Variants in KAT5 observed in about 807,000 individuals in gnomAD.
The protein encoded by KAT5 is lysine acetyltransferase 5, also known as histone acetyltransferase KAT5.
A neutral mutation model predicts 68.1 loss-of-function variants in KAT5; 31 were observed. The observed-to-expected ratio is 0.46, with a 90% CI of 0.34 to 0.61. KAT5 has a LOEUF of 0.61. Among genes scored for constraint, KAT5 ranks in the 20% least tolerant of loss-of-function variants. KAT5 has a pLI of 0.01. For missense variants in KAT5, 451 were observed against 725.5 expected, an observed-to-expected ratio of 0.62 and a Z score of 4.35; for synonymous variants, 365 against 292.6, an observed-to-expected ratio of 1.25 and a Z score of -2.52.
Position 65,714,250 on chromosome 11 carries a change from G to A in KAT5, c.691-245G>A, listed in dbSNP as rs370242148. On this transcript the variant is annotated intron_variant, in intron 6 of 12. Coordinates refer to ENST00000341318, the MANE Select transcript of KAT5 (RefSeq NM_182710.3). ...GTGGAGATTGCAGTGAGCCAAGATC[G>A]CGCTACTGCCCTCCAGCCTGGGCGA... 17 of 565,266 alleles carry A rather than the reference G, an allele frequency of 3.0e-5. No homozygotes were observed. In the East Asian group the frequency reaches 3.7e-4, roughly 12 times the overall value. 35.0% of individuals were successfully genotyped at this position (565,266 alleles called of 1,614,324 possible). A position where few individuals can be genotyped will look rare whatever the true frequency, so the allele number is the denominator to read the frequency against.
chr11:65,717,540 C>T (rs1031297673), intron 10 of KAT5: 1 of 162,908 alleles, frequency 6.1e-6, no homozygotes, highest in African/African-American at 2.4e-5. Flanking sequence ...TCTTCCCAGC[C>T]TCTTACTCCC....
chr11:65,718,529 T>C, intron 10 of KAT5, 61 bp from the exon 11 acceptor site: 4 of 1,556,802 alleles, frequency 2.6e-6, no homozygotes, highest in Non-Finnish European at 8.8e-7. Context: ...CCTGTGTTTT[T>C]AAATGTTGCT....
chr11:65,719,013 C>T, intron 12 of KAT5, 34 bp from the exon 13 acceptor site: 2 of 1,613,966 alleles, frequency 1.2e-6, no homozygotes, highest in Non-Finnish European at 1.7e-6. Flanking sequence ...CCTCTGTGGG[C>T]TGACCACCTG....
At chr11:65,717,333 G>A (rs999353214) in intron 10 of KAT5, 1 of 378,308 alleles carries the variant, frequency 2.6e-6, no homozygotes, top group Non-Finnish European at 4.9e-6. Flanking sequence ...GAGTACTGGG[G>A]CAAGGACCAG....
Position 65,718,935 on chromosome 11 carries a change from A to G in KAT5, c.1487A>G (p.Asn496Ser), listed in dbSNP as rs200625753. 36 of 1,614,066 alleles carry G rather than the reference A, an allele frequency of 2.2e-5. No homozygotes were observed. Among genetic ancestry groups the G allele is most frequent in the African/African-American group, 1.1e-4 (8 of 74,930 alleles). Reference protein sequence around the residue: ...EDVISTLQYLNLINYYKGQYI... With the variant: ...EDVISTLQYLSLINYYKGQYI... ...GTCATCTCCACTCTGCAGTACCTCA[A>G]TCTCATCAACTACTACAAGGTAGGG... The change falls in exon 12 of 13, where the codon AAT becomes AGT. Residue 496 changes from asparagine to serine, a missense_variant. Physicochemically the swap from Asn to Ser is conservative, Grantham distance 46. Transcript: ENST00000341318.
intron 3 of KAT5, 94 bp downstream of exon 3, chr11:65,713,152 CCT>C: frequency 1.3e-6 from 2 of 1,503,390 alleles, no homozygotes; most frequent in Non-Finnish European, 1.8e-6. Context: ...GAGGCGGCTC[CCT>C]CTCACCCTGA....
intron 8 of KAT5, among the ~76,000 whole-genome samples, chr11:65,715,719 C>G (rs777780015): frequency 6.6e-6 from 1 of 151,646 alleles, no homozygotes; most frequent in Non-Finnish European, 1.5e-5. Context: ...CGAGATTGCA[C>G]CACTGCATTC....
chr11:65,712,641 G>A (rs750579504), intron 1 of KAT5, 125 bp from the exon 2 acceptor site: 1 of 1,276,182 alleles, frequency 7.8e-7, no homozygotes, highest in South Asian at 1.2e-5. Flanking sequence ...GTGACTGAAG[G>A]AGGCTTAGGA....
At position 65,713,449 on chromosome 11, in the gene KAT5, G is replaced by A. The variant is rs1286168173; in HGVS notation, c.486G>A (p.Glu162=). ...PKEREAIPGG[E]PDQPLSSSSC... ...AGCGGGAGGCCATTCCCGGTGGCGA[G>A]CCTGACCAGCCGCTCTCCTCCAGCT... Residue 162 remains glutamate (E), a synonymous_variant, in exon 4 of 13, where the codon GAG becomes GAA. Coordinates refer to ENST00000341318, the MANE Select transcript of KAT5 (RefSeq NM_182710.3). 6.2e-6 allele frequency: 10 copies of A among 1,613,978 alleles called. No homozygotes were observed. The highest frequency in any genetic ancestry group is 7.6e-6 in the Non-Finnish European group (9 of 1,180,026).
Position 65,712,259 on chromosome 11 carries a change from G to A in KAT5, c.-9G>A, listed in dbSNP as rs999293032. ...AGAGGGGCCGGAAGTGGCAGTGGAGGGAGGGAAGATGGCGGAGGTGGTGAG... is the reference window on the plus strand; with the variant it reads ...AGAGGGGCCGGAAGTGGCAGTGGAGAGAGGGAAGATGGCGGAGGTGGTGAG... On this transcript the variant is annotated 5_prime_UTR_variant, in exon 1 of 13. Transcript: ENST00000341318. The A allele has an allele frequency of 1.4e-6, 2 of 1,412,800 alleles. No homozygotes were observed. The highest frequency in any genetic ancestry group is 1.8e-6 in the Non-Finnish European group (2 of 1,084,304). 87.5% of individuals were successfully genotyped at this position (1,412,800 alleles called of 1,614,324 possible).
intron 6 of KAT5, chr11:65,714,286 C>T: frequency 1.6e-6 from 1 of 611,046 alleles, no homozygotes; most frequent in Non-Finnish European, 2.8e-6. Context: ...CAGACTGAGA[C>T]TCCATCTAAA....
chr11:65,717,584 C>T (rs537175823), intron 10 of KAT5: 1 of 159,468 alleles, frequency 6.3e-6, no homozygotes, highest in South Asian at 1.8e-4. Flanking sequence ...TCACCACTCA[C>T]TTGGAATAAC....
At chr11:65,718,819 G>A in intron 11 of KAT5, 54 bp from the exon 12 acceptor site, 1 of 1,613,074 alleles carries the variant, frequency 6.2e-7, no homozygotes, top group Non-Finnish European at 8.5e-7. Context: ...CTCTCTCAGG[G>A]CTCCTGGGGA....
rs972745095 is a variant in KAT5, at chr11:65,719,457, C to T, written c.*276C>T. ...CAGCTGTGTACAGTGAGAAGGGATC[C>T]GGATGGGGGAGCTCTGTACAGAGGG... On this transcript the variant is annotated 3_prime_UTR_variant, in exon 13 of 13. Transcript: ENST00000341318. 5 of 602,872 alleles carry T rather than the reference C, an allele frequency of 8.3e-6. No individual in the cohort carries two copies. Among genetic ancestry groups the T allele is most frequent in the South Asian group, 2.0e-5 (1 of 49,612 alleles). The allele number at this position is 602,872 out of a possible 1,614,324, so 37.3% of individuals were successfully genotyped here.
chr11:65,713,159 C>A, intron 3 of KAT5, 101 bp downstream of exon 3: 1 of 1,481,616 alleles, frequency 6.7e-7, no homozygotes, highest in Non-Finnish European at 9.3e-7. Flanking sequence ...CTCCCTCTCA[C>A]CCTGACTTCA....
chr11:65,716,516 G>A, intron 8 of KAT5, 151 bp from the exon 9 acceptor site: 1 of 694,480 alleles, frequency 1.4e-6, no homozygotes, highest in South Asian at 1.7e-5. Context: ...GCTGCGGGCT[G>A]GTGGAGTGGG....
chr11:65,717,939 G>A (rs1352161910), intron 10 of KAT5: 1 of 153,394 alleles, frequency 6.5e-6, no homozygotes, highest in Non-Finnish European at 1.5e-5. Context: ...AGCCACTCAG[G>A]GCTGTGCAGG....
At chr11:65,718,534 G>A in intron 10 of KAT5, 56 bp from the exon 11 acceptor site, 2 of 1,565,568 alleles carry the variant, frequency 1.3e-6, no homozygotes, top group Non-Finnish European at 1.7e-6. Context: ...GTTTTTAAAT[G>A]TTGCTTATGT....
Position 65,713,412 on chromosome 11 carries a change from A to G in KAT5, c.449A>G (p.Asn150Ser), listed in dbSNP as rs1201955703. 1 of 1,613,504 alleles carries G rather than the reference A, an allele frequency of 6.2e-7. No homozygotes were observed. The highest frequency in any genetic ancestry group is 8.5e-7 in the Non-Finnish European group (1 of 1,179,852). Reference protein sequence around the residue: ...PIPVQITLRFNLPKEREAIPG... With the variant: ...PIPVQITLRFSLPKEREAIPG... ...CCGGTCCAGATCACACTCCGCTTCA[A>G]CCTGCCCAAGGAGCGGGAGGCCATT... The change falls in exon 4 of 13, where the codon AAC becomes AGC. Residue 150 changes from asparagine (N) to serine (S), a missense_variant. This residue lies in a region of KAT5 where 135 missense variants were observed against 173.4 expected (regional missense o/e 0.78). Transcript: ENST00000341318.
Sources: allele counts gnomAD v4.1 joint callset (sites outside exome capture counted in the v4.1 genomes callset), GRCh38; gene constraint gnomAD v4.1.1; regional missense constraint gnomAD v4.1.1; transcripts MANE v1.5; gene names NCBI Gene and HGNC (gene_info 2026-07-23, HGNC 2026-07-21).